The following DGCR2 variants were observed in gnomAD, a reference collection of about 807,000 sequenced individuals.
The protein encoded by DGCR2 is DiGeorge syndrome critical region gene 2, also known as integral membrane protein DGCR2/IDD.
Under a neutral mutation model 51.6 loss-of-function variants are expected in DGCR2, and 24 were observed. That is an observed-to-expected ratio of 0.47 (90% CI 0.34 to 0.65). The LOEUF is 0.65. Among genes scored for constraint, DGCR2 ranks in the 30% least tolerant of loss-of-function variants. The pLI is 0.01. For missense variants in DGCR2, 765 were observed against 772.1 expected (o/e 0.99, Z 0.11); for synonymous variants, 340 against 315.4 (o/e 1.08, Z -0.82).
At chr22:19,052,609 CA>C (rs59004460) in intron 6 of DGCR2, among the ~76,000 whole-genome samples, 56,388 of 133,560 alleles carry the variant, frequency 0.42, 10,995 homozygotes, top group Middle Eastern at 0.51. Flanking sequence ...CCCGCCTCTA[CA>C]AAAAAAAAAA....
At chr22:19,119,995 G>A (rs1451550905) in intron 1 of DGCR2, among the ~76,000 whole-genome samples, 3 of 152,108 alleles carry the variant, frequency 2.0e-5, no homozygotes, top group Admixed American at 1.3e-4. Flanking sequence ...TAAGACCAGA[G>A]AAGCCCCAGC....
At chr22:19,056,870 G>A in intron 6 of DGCR2, 116 bp downstream of exon 6, 4 of 1,165,502 alleles carry the variant, frequency 3.4e-6, no homozygotes, top group South Asian at 1.6e-5. Context: ...CTGGTAAGGG[G>A]CGTCCACCGC....
Position 19,057,104 on chromosome 22 carries a change from G to A in DGCR2, c.684C>T (p.Asn228=), listed in dbSNP as rs367824748. The change falls in exon 6 of 10, where the codon AAC becomes AAT. Residue 228 remains asparagine (N), a synonymous_variant. Coordinates refer to ENST00000263196, the MANE Select transcript of DGCR2 (RefSeq NM_005137.3). This position sits in a 1 kb window ranked among gnomAD's most constrained non-coding sequence, Gnocchi z 5.1. The part of the protein sequence containing the change: ...DPIFASAMSE[N]DNVFCAQLQC... ...GAAGCTGGGCACAGAACACGTTGTC[G>A]TTCTCAGACATGGCCGAGGCAAAGA... 28 of 1,607,652 alleles carry A rather than the reference G, an allele frequency of 1.7e-5. No individual in the cohort carries two copies. The highest frequency in any genetic ancestry group is 3.3e-4 in the Middle Eastern group (2 of 6,052).
intron 5 of DGCR2, 116 bp downstream of exon 5, chr22:19,063,086 T>TCCACGTC: frequency 1.1e-6 from 1 of 934,696 alleles, no homozygotes; most frequent in Non-Finnish European, 1.7e-6. Flanking sequence ...GCTCACCCAC[T>TCCACGTC]CCCTGCACAG....
intron 1 of DGCR2, among the ~76,000 whole-genome samples, chr22:19,100,653 G>A (rs1372815947): frequency 5.5e-5 from 7 of 127,762 alleles, no homozygotes; most frequent in African/African-American, 1.7e-4. Context: ...GCGACAGAGC[G>A]AGACTCCGTT....
chr22:19,048,265 C>T (rs2082511631), intron 7 of DGCR2, 175 bp downstream of exon 7: 1 of 674,882 alleles, frequency 1.5e-6, no homozygotes, highest in Non-Finnish European at 2.5e-6. Flanking sequence ...CAGACACGCC[C>T]ACTAGAGTAG....
At chr22:19,049,806 G>A (rs1292541232) in intron 6 of DGCR2, among the ~76,000 whole-genome samples, 3 of 144,446 alleles carry the variant, frequency 2.1e-5, no homozygotes, top group African/African-American at 2.6e-5. Flanking sequence ...CAGCCTGGGC[G>A]ACAGCATGAG....
intron 1 of DGCR2, among the ~76,000 whole-genome samples, chr22:19,110,983 TAAG>T (rs2083308014): frequency 6.6e-6 from 1 of 152,242 alleles, no homozygotes; most frequent in African/African-American, 2.4e-5. Context: ...TTTTTTCTGT[TAAG>T]TAGTATGTTT....
At position 19,082,879 on chromosome 22, in the gene DGCR2, G is replaced by A. The variant is rs1045263961; in HGVS notation, c.202+6489C>T. Among the ~76,000 whole-genome samples, 6 of 152,168 alleles carry A rather than the reference G, an allele frequency of 3.9e-5. 1 individual carries two copies. Among genetic ancestry groups the A allele is most frequent in the Non-Finnish European group, 8.8e-5 (6 of 68,016 alleles). ...CGAAGCAGGCAGACTGCTTAAACTC[G>A]TGAGTTAGAGACCAGCCTGGGCAAC... is the stretch of plus-strand genomic sequence containing the variant. On this transcript the variant is annotated intron_variant, in intron 2 of 9. Transcript: ENST00000263196.
At chr22:19,058,495 C>T (rs2082626799) in intron 5 of DGCR2, among the ~76,000 whole-genome samples, 2 of 152,160 alleles carry the variant, frequency 1.3e-5, no homozygotes, top group Admixed American at 6.5e-5. Flanking sequence ...TCCAGGCCCC[C>T]GAGCCCCTGC....
intron 2 of DGCR2, among the ~76,000 whole-genome samples, chr22:19,076,123 C>T (rs1344040004): frequency 7.5e-6 from 1 of 133,326 alleles, no homozygotes; most frequent in Non-Finnish European, 1.6e-5. Flanking sequence ...TGACGCCCAG[C>T]TAATTTTTGT....
Position 19,098,287 on chromosome 22 carries a change from TCC to T in DGCR2, c.80-8799_80-8798del, listed in dbSNP as rs1196043201. Among the ~76,000 whole-genome samples the T allele has an allele frequency of 4.1e-3, 622 of 152,226 alleles. 2 individuals carry two copies. Among genetic ancestry groups the T allele is most frequent in the African/African-American group, 0.014 (594 of 41,520 alleles). On this transcript the variant is annotated intron_variant, in intron 1 of 9. Transcript: ENST00000263196. ...CGGCCTTCTTGGCCTAGCCCTGTTT[TCC>T]TAAGCAGCCCTTCTCTGTTCTTTTC...
At chr22:19,085,096 C>T (rs2859469) in intron 2 of DGCR2, among the ~76,000 whole-genome samples, 149,554 of 149,560 alleles carry the variant, frequency 1, 74,774 homozygotes, top group Middle Eastern at 1. Flanking sequence ...GAAAAATTCT[C>T]CTGCCTTGGA....
At chr22:19,044,375 C>G (rs536152296) in intron 7 of DGCR2, among the ~76,000 whole-genome samples, 103 of 152,358 alleles carry the variant, frequency 6.8e-4, no homozygotes, top group African/African-American at 2.3e-3. Flanking sequence ...GCAAGAAGAG[C>G]TCCAGTGACA....
chr22:19,077,769 G>T (rs2082894616), intron 2 of DGCR2, among the ~76,000 whole-genome samples: 1 of 151,558 alleles, frequency 6.6e-6, no homozygotes, highest in African/African-American at 2.4e-5. Flanking sequence ...ATTGCTTTAG[G>T]TAATAGTCAC....
Position 19,056,978 on chromosome 22 carries a change from G to C in DGCR2, c.802+8C>G. 1 of 1,572,878 alleles carries C rather than the reference G, an allele frequency of 6.4e-7. No homozygotes were observed. Among genetic ancestry groups the C allele is most frequent in the South Asian group, 1.2e-5 (1 of 85,342 alleles). On this transcript the variant is annotated splice_region_variant and intron_variant, in intron 6 of 9. Coordinates refer to ENST00000263196, the MANE Select transcript of DGCR2 (RefSeq NM_005137.3). The stretch of plus-strand genomic sequence containing the variant: ...ATTCCCCAAGAACGCCAGCTCAAGG[G>C]GGCTTACTTCTTTTACACAGAAATG...
At chr22:19,039,465 C>T (rs930732276) in intron 9 of DGCR2, among the ~76,000 whole-genome samples, 3 of 152,170 alleles carry the variant, frequency 2.0e-5, no homozygotes, top group East Asian at 1.9e-4. Flanking sequence ...AAAGGGAAAC[C>T]GTCTCAGACT....
At chr22:19,053,872 T>G (rs999955848) in intron 6 of DGCR2, among the ~76,000 whole-genome samples, 16 of 151,906 alleles carry the variant, frequency 1.1e-4, no homozygotes, top group Non-Finnish European at 1.5e-4. Context: ...CAAATGGAAA[T>G]CCTATAAATA....
chr22:19,051,801 TA>T (rs2082551417), intron 6 of DGCR2, among the ~76,000 whole-genome samples: 1 of 151,918 alleles, frequency 6.6e-6, no homozygotes, highest in Non-Finnish European at 1.5e-5. Context: ...AGATGGCAAA[TA>T]AGCACATGAA....
Sources: allele counts gnomAD v4.1 joint callset (sites outside exome capture counted in the v4.1 genomes callset), GRCh38; gene constraint gnomAD v4.1.1; non-coding constraint Gnocchi (gnomAD v3.1); transcripts MANE v1.5; gene names NCBI Gene and HGNC (gene_info 2026-07-23, HGNC 2026-07-21).